POMT1: variants seen among roughly 807,000 people sequenced by gnomAD.
The protein encoded by POMT1 is protein O-mannosyl-transferase 1.
POMT1 carries 85 observed loss-of-function variants against 101.6 expected under a neutral mutation model. That is an observed-to-expected ratio of 0.84 (90% CI 0.70 to 1.00). POMT1 has a LOEUF of 1.00. Ranked by LOEUF, POMT1 falls within the 50% of genes least tolerant of loss-of-function variation. The pLI, the probability that POMT1 is intolerant of heterozygous loss-of-function variation, is 0.00. For synonymous variants in POMT1, 371 were observed against 383.0 expected (o/e 0.97, Z 0.37); for missense variants, 857 against 930.4 (o/e 0.92, Z 1.03).
chr9:131,510,838 C>T (rs1336202974), intron 9 of POMT1: 4 of 337,332 alleles, frequency 1.2e-5, no homozygotes, highest in African/African-American at 8.6e-5. Context: ...GTCTTACAAA[C>T]CCTGGGCAGT....
rs1330521726 is a variant in POMT1 at position 131,519,751 on chromosome 9, C to T, written c.1584+265C>T. On this transcript the variant is annotated intron_variant, in intron 16 of 19. Transcript: ENST00000402686. This position sits in a 1 kb window ranked among gnomAD's most constrained non-coding sequence, Gnocchi z 4.3. ...AGGGTGTCTTAAGGCCCCCAGGCAG[C>T]GAAATGGGCCACACTCAACAGAGCC... Among the ~76,000 whole-genome samples the T allele has an allele frequency of 2.6e-5, 4 of 152,098 alleles. No individual in the cohort carries two copies. The highest frequency in any genetic ancestry group is 2.9e-5 in the Non-Finnish European group (2 of 68,016).
chr9:131,509,212 G>A (rs1946548435), intron 6 of POMT1, among the ~76,000 whole-genome samples, 190 bp downstream of exon 6: 1 of 152,038 alleles, frequency 6.6e-6, no homozygotes. Context: ...GTGTAATGGC[G>A]CAATCTCGGC....
rs1950150494 is a variant in POMT1 at position 131,522,482 on chromosome 9, G to A, written c.2003+258G>A. The A allele has an allele frequency of 4.3e-6, 3 of 702,936 alleles. No homozygotes were observed. The highest frequency in any genetic ancestry group is 6.9e-6 in the Non-Finnish European group (3 of 437,610). 43.5% of individuals were successfully genotyped at this position (702,936 alleles called of 1,614,324 possible). A position where few individuals can be genotyped will look rare whatever the true frequency, so the allele number is the denominator to read the frequency against. On this transcript the variant is annotated intron_variant, in intron 19 of 19. Transcript: ENST00000402686. This position sits in a 1 kb window ranked among gnomAD's most constrained non-coding sequence, Gnocchi z 5.5. Reference sequence around the variant, plus strand: ...GACGGGGAGGGGATGAAGAGATGTGGGTGGCCTGGAGGATTCGGGAGCAGG... The same window carrying A: ...GACGGGGAGGGGATGAAGAGATGTGAGTGGCCTGGAGGATTCGGGAGCAGG...
chr9:131,523,780 TAAA>T lies in POMT1; in HGVS notation c.*678_*680del, dbSNP rs1178445321. The T allele has an allele frequency of 2.0e-5, 3 of 152,906 alleles. No homozygotes were observed. The highest frequency in any genetic ancestry group is 2.9e-5 in the Non-Finnish European group (2 of 68,572). The allele number at this position is 152,906 out of a possible 1,614,324, so 9.5% of individuals were successfully genotyped here. On this transcript the variant is annotated 3_prime_UTR_variant, in exon 20 of 20. Coordinates refer to ENST00000402686, the MANE Select transcript of POMT1 (RefSeq NM_001077365.2). ...TGCCTTTGTCTTTTTTAAATGTAAT[TAAA>T]AAAGGAACCAACTGGCGTTTGTAGT...
intron 17 of POMT1, 64 bp downstream of exon 17, chr9:131,520,257 A>G: frequency 7.4e-7 from 1 of 1,347,348 alleles, no homozygotes. Flanking sequence ...AATTCCTTGC[A>G]TTAAGAGCAG....
At position 131,520,093 on chromosome 9, in the gene POMT1, C is replaced by T. The variant is rs199682341; in HGVS notation, c.1598C>T (p.Ala533Val). 587 of 1,613,452 alleles carry T rather than the reference C, an allele frequency of 3.6e-4. No individual in the cohort carries two copies. Among genetic ancestry groups the T allele is most frequent in the Non-Finnish European group, 4.7e-4 (554 of 1,179,880 alleles). Residue 533 changes from alanine (A) to valine (V), a missense_variant, in exon 17 of 20, where the codon GCG (alanine) becomes GTG (valine). Ala to Val is a moderately conservative substitution (Grantham distance 64). Transcript: ENST00000402686. ...GCTTTGTTCCAGTGGAGGATGCTGGCGCTGAGAAGTGATGACTCGGAACAC... is the reference window on the plus strand; with the variant it reads ...GCTTTGTTCCAGTGGAGGATGCTGGTGCTGAGAAGTGATGACTCGGAACAC... ...RFSELQWRML[A>V]LRSDDSEHKY...
intron 13 of POMT1, chr9:131,516,493 C>G (rs1948713119): frequency 6.5e-6 from 1 of 154,904 alleles, no homozygotes; most frequent in South Asian, 1.7e-4. Context: ...TGAGAATAAT[C>G]ATTTTTCCTT....
rs900316752 is a variant in POMT1, at chr9:131,519,740, C to A, written c.1584+254C>A. On this transcript the variant is annotated intron_variant, in intron 16 of 19. Coordinates refer to ENST00000402686, the MANE Select transcript of POMT1 (RefSeq NM_001077365.2). This position sits in a 1 kb window ranked among gnomAD's most constrained non-coding sequence, Gnocchi z 4.3. Reference sequence around the variant, plus strand: ...GCAACATCGCCAGGGTGTCTTAAGGCCCCCAGGCAGCGAAATGGGCCACAC... The same window carrying A: ...GCAACATCGCCAGGGTGTCTTAAGGACCCCAGGCAGCGAAATGGGCCACAC... Among the ~76,000 whole-genome samples, 1 of 152,136 alleles carries A rather than the reference C, an allele frequency of 6.6e-6. No individual in the cohort carries two copies. The highest frequency in any genetic ancestry group is 1.5e-5 in the Non-Finnish European group (1 of 68,034).
In POMT1 at chr9:131,522,989, G is replaced by A. The variant is rs200916353; in HGVS notation, c.2061G>A (p.Ala687=). ...TGGTGGTGGCCTGGTACTCCTCCGC[G>A]TGCCACGTGTCCAACACGCTGCGCC... ...SALVVAWYSS[A]CHVSNTLRPL... The change falls in exon 20 of 20, where the codon GCG becomes GCA. Residue 687 remains alanine (A), a synonymous_variant. Coordinates refer to ENST00000402686, the MANE Select transcript of POMT1 (RefSeq NM_001077365.2). This position sits in a 1 kb window ranked among gnomAD's most constrained non-coding sequence, Gnocchi z 5.5. The A allele has an allele frequency of 2.9e-5, 47 of 1,606,914 alleles. No homozygotes were observed. Among genetic ancestry groups the A allele is most frequent in the Admixed American group, 2.5e-4 (15 of 59,566 alleles).
chr9:131,521,903 A>C, intron 18 of POMT1, 144 bp from the exon 19 acceptor site: 1 of 1,496,586 alleles, frequency 6.7e-7, no homozygotes, highest in Non-Finnish European at 9.0e-7. Context: ...TTGGGAGGCC[A>C]AAGTGAGGGA....
chr9:131,518,751 C>G (rs1310560302), intron 14 of POMT1, 86 bp from the exon 15 acceptor site: 2 of 1,603,398 alleles, frequency 1.2e-6, no homozygotes, highest in Non-Finnish European at 1.7e-6. Context: ...CAGCGTGACC[C>G]GGGCAGGGGT....
intron 6 of POMT1, 41 bp downstream of exon 6, chr9:131,509,063 G>C (rs1349632773): frequency 7.0e-7 from 1 of 1,432,256 alleles, no homozygotes; most frequent in Middle Eastern, 1.8e-4. Flanking sequence ...CGAGAACAGA[G>C]ATTCTGGGTG....
intron 13 of POMT1, among the ~76,000 whole-genome samples, chr9:131,517,676 C>G (rs958963170): frequency 5.9e-5 from 9 of 152,232 alleles, no homozygotes; most frequent in African/African-American, 1.4e-4. Context: ...TCCCCGCCCC[C>G]CCACAGTCCT....
chr9:131,508,112 C>T (rs1364417051), intron 5 of POMT1, among the ~76,000 whole-genome samples: 5 of 151,970 alleles, frequency 3.3e-5, no homozygotes, highest in African/African-American at 1.2e-4. Context: ...TGGCAGGTGC[C>T]TGTAATCCCA....
At chr9:131,504,684 G>C (rs1359414991) in intron 2 of POMT1, among the ~76,000 whole-genome samples, 1 of 151,648 alleles carries the variant, frequency 6.6e-6, no homozygotes, top group Non-Finnish European at 1.5e-5. Context: ...TTTTTAGAAT[G>C]TGTTTTTGTC....
chr9:131,521,406 A>G lies in POMT1; in HGVS notation c.1759A>G (p.Ile587Val). Reference protein sequence around the residue: ...IWVSGSLALAIYALLSLWYLL... With the variant: ...IWVSGSLALAVYALLSLWYLL... ...GGTTTCGGGCAGCCTCGCTCTGGCC[A>G]TCTACGCCCTGCTGTCCTTGTGGTA... The change falls in exon 18 of 20, where the codon ATC becomes GTC. Residue 587 changes from isoleucine to valine, a missense_variant. Coordinates refer to ENST00000402686, the MANE Select transcript of POMT1 (RefSeq NM_001077365.2). 1 of 1,614,164 alleles carries G rather than the reference A, an allele frequency of 6.2e-7. No individual in the cohort carries two copies. The highest frequency in any genetic ancestry group is 2.2e-5 in the East Asian group (1 of 44,880).
intron 9 of POMT1, chr9:131,511,000 AGCAAGTTGTTTGGC>A: frequency 3.7e-6 from 1 of 273,180 alleles, no homozygotes; most frequent in Non-Finnish European, 7.0e-6. Context: ...TGTGTGTTTC[AGCAAGTTGTTTGGC>A]TCACCCTAGT....
chr9:131,504,023 T>C (rs1945167393), intron 1 of POMT1, among the ~76,000 whole-genome samples, 166 bp from the exon 2 acceptor site: 1 of 152,156 alleles, frequency 6.6e-6, no homozygotes, highest in Admixed American at 6.5e-5. Flanking sequence ...CTAGTGCCCC[T>C]CACCCCACAT....
Position 131,523,323 on chromosome 9 carries a change from C to A in POMT1, c.*217C>A. The A allele has an allele frequency of 1.6e-6, 1 of 617,488 alleles. No homozygotes were observed. The highest frequency in any genetic ancestry group is 2.9e-6 in the Non-Finnish European group (1 of 348,598). 38.3% of individuals were successfully genotyped at this position (617,488 alleles called of 1,614,324 possible). On this transcript the variant is annotated 3_prime_UTR_variant, in exon 20 of 20. Transcript: ENST00000402686. ...ATTTTTTCTCGACAATAAAGATATT[C>A]CGTGTCTTTACCCCTGAACTAAGAC...
Sources: gnomAD v4.1 joint callset for allele counts (sites outside exome capture counted in the v4.1 genomes callset) on GRCh38, gnomAD v4.1.1 for gene constraint, Gnocchi (gnomAD v3.1) non-coding constraint, MANE v1.5 for transcripts, NCBI Gene and HGNC (gene_info 2026-07-23, HGNC 2026-07-21) for gene names.